Variants in COL23A1 observed in about 807,000 individuals in gnomAD.
The protein encoded by COL23A1 is collagen alpha-1(XXIII) chain.
COL23A1 carries 97 observed loss-of-function variants against 99.3 expected under a neutral mutation model. The ratio of observed to expected loss-of-function variants is 0.98; its 90% CI spans 0.83 to 1.16. The LOEUF is 1.16. Among genes scored for constraint, COL23A1 ranks in the 50% most tolerant of loss-of-function variants. COL23A1 has a pLI of 0.00. For missense variants in COL23A1, 762 were observed against 757.4 expected (o/e 1.01, Z -0.07); for synonymous variants, 320 against 308.2 (o/e 1.04, Z -0.40).
chr5:178,568,876 G>A (rs555679060), intron 1 of COL23A1, among the ~76,000 whole-genome samples: 44 of 152,280 alleles, frequency 2.9e-4, no homozygotes, highest in African/African-American at 8.2e-4. Flanking sequence ...TGTGTACGGC[G>A]CTGCTGTGAA....
chr5:178,390,038 A>T (rs1286515531), intron 2 of COL23A1, among the ~76,000 whole-genome samples: 1 of 152,132 alleles, frequency 6.6e-6, no homozygotes, highest in African/African-American at 2.4e-5. Flanking sequence ...CTCAGGACGG[A>T]TCTGTGGGAT....
chr5:178,552,117 T>G (rs1004904536), intron 2 of COL23A1, among the ~76,000 whole-genome samples: 2 of 152,152 alleles, frequency 1.3e-5, no homozygotes, highest in African/African-American at 4.8e-5. Context: ...TGACCCGAAG[T>G]GATCTCTCCT....
chr5:178,457,981 T>A (rs74627254), intron 2 of COL23A1, among the ~76,000 whole-genome samples: 1,578 of 152,310 alleles, frequency 0.01, 32 homozygotes, highest in African/African-American at 0.036. Flanking sequence ...ATATTCACTG[T>A]GGTCTCTATA....
intron 22 of COL23A1, among the ~76,000 whole-genome samples, chr5:178,246,722 G>A (rs958533536): frequency 5.0e-4 from 13 of 26,064 alleles, no homozygotes; most frequent in African/African-American, 1.0e-3. Flanking sequence ...AGGTGCAGAC[G>A]GGGGGCGGGG....
intron 2 of COL23A1, among the ~76,000 whole-genome samples, chr5:178,542,059 T>C (rs4976791): frequency 0.068 from 10,376 of 152,226 alleles, 455 homozygotes; most frequent in South Asian, 0.18. Context: ...GTTTCACTCT[T>C]GTCGCCCAGG....
At chr5:178,292,987 T>C (rs1757542526) in intron 3 of COL23A1, among the ~76,000 whole-genome samples, 1 of 151,878 alleles carries the variant, frequency 6.6e-6, no homozygotes, top group Admixed American at 6.6e-5. Context: ...GAACTGGATG[T>C]AGCAATGCAG....
rs1013877061 is a variant in COL23A1 at position 178,309,627 on chromosome 5, G to A, written c.362-2708C>T. ...ACTTCCAAACTCAAGCTCACCTCCC[G>A]ACTTCCCACGCGCCCCCTGCCTCCC... is the stretch of plus-strand genomic sequence containing the variant. On this transcript the variant is annotated intron_variant, in intron 2 of 28. Coordinates refer to ENST00000390654, the MANE Select transcript of COL23A1 (RefSeq NM_173465.4). The surrounding 1 kb of genome is among the most constrained non-coding windows in gnomAD (Gnocchi z 4.7). Among the ~76,000 whole-genome samples the A allele has an allele frequency of 2.6e-5, 4 of 151,936 alleles. No individual in the cohort carries two copies. Among genetic ancestry groups the A allele is most frequent in the South Asian group, 2.1e-4 (1 of 4,826 alleles).
In COL23A1 at chr5:178,553,518, CA is replaced by C. The variant is rs1762116026; in HGVS notation, c.361+7163del. Among the ~76,000 whole-genome samples, 3 of 152,218 alleles carry C rather than the reference CA, an allele frequency of 2.0e-5. No individual in the cohort carries two copies. In the South Asian group the frequency reaches 6.2e-4, roughly 32 times the overall value. ...AGTGCCCATCCTTGGAAACCAAGCA[CA>C]ATGTCTCTGCAATATTCTGCAAGGA... is the stretch of plus-strand genomic sequence containing the variant. On this transcript the variant is annotated intron_variant, in intron 2 of 28. Transcript: ENST00000390654.
In COL23A1 at chr5:178,340,058, T is replaced by C. The variant is rs1760566871; in HGVS notation, c.362-33139A>G. Reference sequence around the variant, plus strand: ...AGTAGAGGGATGAGGGGTCGATGAATGGATGGACGGGTTAGGGAGATGAAT... The same window carrying C: ...AGTAGAGGGATGAGGGGTCGATGAACGGATGGACGGGTTAGGGAGATGAAT... On this transcript the variant is annotated intron_variant, in intron 2 of 28. Coordinates refer to ENST00000390654, the MANE Select transcript of COL23A1 (RefSeq NM_173465.4). This position sits in a 1 kb window ranked among gnomAD's most constrained non-coding sequence, Gnocchi z 4.7. 6.6e-6 allele frequency among the ~76,000 whole-genome samples: 1 copy of C among 152,148 alleles called. No homozygotes were observed. Among genetic ancestry groups the C allele is most frequent in the African/African-American group, 2.4e-5 (1 of 41,424 alleles).
chr5:178,339,280 A>G (rs1760521566), intron 2 of COL23A1, among the ~76,000 whole-genome samples: 1 of 152,186 alleles, frequency 6.6e-6, no homozygotes, highest in Admixed American at 6.6e-5. Context: ...CCACGACCAC[A>G]GTTTCCAGAA....
At chr5:178,505,947 C>T (rs1043555962) in intron 2 of COL23A1, among the ~76,000 whole-genome samples, 2 of 151,890 alleles carry the variant, frequency 1.3e-5, no homozygotes, top group Non-Finnish European at 2.9e-5. Flanking sequence ...CCAGGACCCA[C>T]GGTGAGTCTA....
rs549263289 is a variant in COL23A1, at chr5:178,262,474, C to T, written c.640-222G>A. Among the ~76,000 whole-genome samples, 8 of 152,280 alleles carry T rather than the reference C, an allele frequency of 5.3e-5. No individual in the cohort carries two copies. In the South Asian group the frequency reaches 6.2e-4, roughly 12 times the overall value. On this transcript the variant is annotated intron_variant, in intron 9 of 28. Coordinates refer to ENST00000390654, the MANE Select transcript of COL23A1 (RefSeq NM_173465.4). ...ACAAGTAATGGATGAGCCAACTGAG[C>T]AGCTGTCCTGGGGGAATCTGGCAGC...
intron 3 of COL23A1, among the ~76,000 whole-genome samples, chr5:178,305,995 AC>A (rs1758331369): frequency 6.6e-6 from 1 of 151,770 alleles, no homozygotes; most frequent in Admixed American, 6.6e-5. Context: ...AACCTCGGGG[AC>A]CCGGAGGAGA....
At chr5:178,386,722 C>T (rs1418457702) in intron 2 of COL23A1, among the ~76,000 whole-genome samples, 14 of 152,120 alleles carry the variant, frequency 9.2e-5, no homozygotes, top group South Asian at 2.1e-4. Context: ...CCTACCCCTG[C>T]CCCGTCAGGA....
chr5:178,590,182 G>C lies in COL23A1; in HGVS notation c.16C>G (p.Arg6Gly), dbSNP rs888575519. The change falls in exon 1 of 29, where the codon CGC (arginine) becomes GGC (glycine). Residue 6 changes from arginine (R) to glycine (G), a missense_variant. Arg to Gly is a moderately radical substitution (Grantham distance 125). Coordinates refer to ENST00000390654, the MANE Select transcript of COL23A1 (RefSeq NM_173465.4). This position sits in a 1 kb window ranked among gnomAD's most constrained non-coding sequence, Gnocchi z 5.7. Reference sequence around the variant, plus strand: ...CCCGCGTCGCCGCCGCCACCGGCGCGCTCGCCTGGGCCCATGGCGCGTTCG... The same window carrying C: ...CCCGCGTCGCCGCCGCCACCGGCGCCCTCGCCTGGGCCCATGGCGCGTTCG... The part of the protein sequence containing the change: MGPGE[R>G]AGGGGDAGKG... 3.3e-6 allele frequency: 4 copies of C among 1,216,764 alleles called. No individual in the cohort carries two copies. The highest frequency in any genetic ancestry group is 1.6e-5 in the African/African-American group (1 of 63,302). The allele number at this position is 1,216,764 out of a possible 1,614,324, so 75.4% of individuals were successfully genotyped here.
chr5:178,455,203 C>A (rs1459113411), intron 2 of COL23A1, among the ~76,000 whole-genome samples: 1 of 152,238 alleles, frequency 6.6e-6, no homozygotes, highest in Non-Finnish European at 1.5e-5. Context: ...ACAGTTCAAC[C>A]CGTACCACTG....
Position 178,439,132 on chromosome 5 carries a change from T to C in COL23A1, c.361+121550A>G, listed in dbSNP as rs1766725524. On this transcript the variant is annotated intron_variant, in intron 2 of 28. Coordinates refer to ENST00000390654, the MANE Select transcript of COL23A1 (RefSeq NM_173465.4). This position sits in a 1 kb window ranked among gnomAD's most constrained non-coding sequence, Gnocchi z 4.2. The stretch of plus-strand genomic sequence containing the variant: ...GCAGATTTTAAAGTTTTCCAGGTGA[T>C]TCAAAAGGGCAGCCAGGACTGGGAG... 1 of 152,298 alleles carries C rather than the reference T, an allele frequency of 6.6e-6. No homozygotes were observed. 9.4% of individuals were successfully genotyped at this position (152,298 alleles called of 1,614,324 possible).
chr5:178,387,725 G>A lies in COL23A1; in HGVS notation c.362-80806C>T, dbSNP rs974725263. Among the ~76,000 whole-genome samples the A allele has an allele frequency of 6.6e-6, 1 of 152,148 alleles. No individual in the cohort carries two copies. The highest frequency in any genetic ancestry group is 2.1e-4 in the South Asian group (1 of 4,822). ...ACGCTGAGCTAATGAATGAACGAAC[G>A]ACAATGAGGCAGTGGGTCTGAGTTC... is the stretch of plus-strand genomic sequence containing the variant. On this transcript the variant is annotated intron_variant, in intron 2 of 28. Transcript: ENST00000390654. This position sits in a 1 kb window ranked among gnomAD's most constrained non-coding sequence, Gnocchi z 4.7.
chr5:178,523,181 C>G (rs868226565), intron 2 of COL23A1, among the ~76,000 whole-genome samples: 1 of 90,448 alleles, frequency 1.1e-5, no homozygotes, highest in African/African-American at 3.9e-5. Context: ...TATATATACA[C>G]ATATATATAT....
Sources: gnomAD v4.1 joint callset for allele counts (sites outside exome capture counted in the v4.1 genomes callset) on GRCh38, gnomAD v4.1.1 for gene constraint, Gnocchi (gnomAD v3.1) non-coding constraint, MANE v1.5 for transcripts, NCBI Gene and HGNC (gene_info 2026-07-23, HGNC 2026-07-21) for gene names.